IL5RA: variants seen among roughly 807,000 people sequenced by gnomAD.
IL5RA encodes the protein interleukin-5 receptor subunit alpha.
In IL5RA, 49 loss-of-function variants were observed where a neutral mutation model predicts 50.0. That is an observed-to-expected ratio of 0.98 (90% confidence interval 0.78 to 1.24). The LOEUF is 1.24. Ranked by LOEUF, IL5RA falls within the 50% of genes most tolerant of loss-of-function variation. The pLI is 0.00. For synonymous variants in IL5RA, 202 were observed against 174.0 expected, an observed-to-expected ratio of 1.16 and a Z score of -1.26; for missense variants, 600 against 500.4, an observed-to-expected ratio of 1.20 and a Z score of -1.90.
chr3:3,083,356 T>C (rs2125961690), intron 9 of IL5RA, among the ~76,000 whole-genome samples: 1 of 152,358 alleles, frequency 6.6e-6, no homozygotes, highest in Middle Eastern at 3.4e-3. Context: ...CAGCTTGCAC[T>C]ATGTTCATCT....
chr3:3,077,078 G>C, intron 9 of IL5RA, among the ~76,000 whole-genome samples: 1 of 152,184 alleles, frequency 6.6e-6, no homozygotes, highest in Non-Finnish European at 1.5e-5. Context: ...AGGAAGTAAA[G>C]TATGAGATAA....
chr3:3,073,685 CTA>C, intron 11 of IL5RA: 1 of 373,432 alleles, frequency 2.7e-6, no homozygotes, highest in African/African-American at 2.2e-5. Flanking sequence ...GAGTGATATG[CTA>C]TGTTTATAGA....
chr3:3,079,425 C>T (rs1224227714), intron 9 of IL5RA, among the ~76,000 whole-genome samples: 1 of 152,200 alleles, frequency 6.6e-6, no homozygotes, highest in Non-Finnish European at 1.5e-5. Flanking sequence ...TGACTCTTTC[C>T]ATCCTTTACA....
chr3:3,100,894 C>T (rs968665084), intron 5 of IL5RA, among the ~76,000 whole-genome samples: 37 of 151,648 alleles, frequency 2.4e-4, no homozygotes, highest in African/African-American at 9.0e-4. Context: ...TGTCTGTAAC[C>T]CCAGCACTTT....
In IL5RA at chr3:3,066,739, C is replaced by A. The variant is rs1574967952; in HGVS notation, c.*3486G>T. 6.6e-6 allele frequency: 1 copy of A among 152,228 alleles called. No homozygotes were observed. Among genetic ancestry groups the A allele is most frequent in the South Asian group, 2.1e-4 (1 of 4,832 alleles). 9.4% of individuals were successfully genotyped at this position (152,228 alleles called of 1,614,324 possible). A position where few individuals can be genotyped will look rare whatever the true frequency, so the allele number is the denominator to read the frequency against. On this transcript the variant is annotated 3_prime_UTR_variant, in exon 12 of 12. Transcript: ENST00000446632. ...AGGATGTTCTTTGCCCACGTGGATT[C>A]TTCCCCAGCCTGCATGAATAGCTTG...
chr3:3,095,520 C>CA, intron 7 of IL5RA, 76 bp from the exon 8 acceptor site: 1 of 1,195,960 alleles, frequency 8.4e-7, no homozygotes, highest in Non-Finnish European at 1.2e-6. Flanking sequence ...AATCCACCCA[C>CA]ACTTCTCAAG....
In IL5RA at chr3:3,095,415, C is replaced by T; in HGVS notation, c.739G>A (p.Ala247Thr). 2 of 1,612,060 alleles carry T rather than the reference C, an allele frequency of 1.2e-6. No homozygotes were observed. The highest frequency in any genetic ancestry group is 2.2e-5 in the East Asian group (1 of 44,856). The change falls in exon 8 of 12, where the codon GCA becomes ACA. Residue 247 changes from alanine (A) to threonine (T), a missense_variant. Transcript: ENST00000446632. The stretch of plus-strand genomic sequence containing the variant: ...GAGAGACGAGTTCCTTCAATCTCTG[C>T]TGTGACATTCAGTGGAGGATTTATT... Reference protein sequence around the residue: ...DQINPPLNVTAEIEGTRLSIQ... With the variant: ...DQINPPLNVTTEIEGTRLSIQ...
intron 11 of IL5RA, among the ~76,000 whole-genome samples, chr3:3,072,629 C>T (rs987905963): frequency 7.9e-5 from 12 of 152,154 alleles, no homozygotes; most frequent in Admixed American, 3.3e-4. Flanking sequence ...GCTGCTTAAA[C>T]TAGATGTGGG....
chr3:3,101,758 T>C lies in IL5RA; in HGVS notation c.301A>G (p.Ile101Val). The C allele has an allele frequency of 6.2e-7, 1 of 1,614,158 alleles. No homozygotes were observed. The highest frequency in any genetic ancestry group is 1.7e-4 in the Middle Eastern group (1 of 6,060). ...HKGFSASVRTILQNDHSLLAS... is the reference protein window; with the variant it reads ...HKGFSASVRTVLQNDHSLLAS... ...AGTAGTGAGTGGTCGTTCTGCAGGA[T>C]GGTCCGCACACTTGCTGAAAAGCCT... is the stretch of plus-strand genomic sequence containing the variant. The change falls in exon 5 of 12, where the codon ATC becomes GTC. Residue 101 changes from isoleucine to valine, a missense_variant. Ile to Val is a conservative substitution (Grantham distance 29). Coordinates refer to ENST00000446632, the MANE Select transcript of IL5RA (RefSeq NM_175726.4).
At chr3:3,080,179 G>A (rs765189144) in intron 9 of IL5RA, among the ~76,000 whole-genome samples, 5 of 152,154 alleles carry the variant, frequency 3.3e-5, no homozygotes, top group Admixed American at 6.5e-5. Flanking sequence ...TTTTGCATTC[G>A]CTTTTTCTGA....
At chr3:3,100,113 G>C (rs573000451) in intron 5 of IL5RA, among the ~76,000 whole-genome samples, 1 of 152,208 alleles carries the variant, frequency 6.6e-6, no homozygotes, top group Non-Finnish European at 1.5e-5. Flanking sequence ...CACTGGCCTT[G>C]TTGGTGGTTG....
In IL5RA at chr3:3,092,545, C is replaced by G. The variant is rs1054675870; in HGVS notation, c.856-183G>C. ...TTAGTGTGGATGTGTTGGCAGTCAC[C>G]CTTCAGTGGAACGCTATCTTGTAAC... On this transcript the variant is annotated intron_variant, in intron 8 of 11. Transcript: ENST00000446632. The surrounding 1 kb of genome is among the most constrained non-coding windows in gnomAD (Gnocchi z 4.2). 4.6e-5 allele frequency among the ~76,000 whole-genome samples: 7 copies of G among 152,118 alleles called. No homozygotes were observed. The highest frequency in any genetic ancestry group is 8.8e-5 in the Non-Finnish European group (6 of 68,020).
At chr3:3,084,592 G>A (rs757551416) in intron 9 of IL5RA, among the ~76,000 whole-genome samples, 8 of 152,220 alleles carry the variant, frequency 5.3e-5, no homozygotes, top group African/African-American at 1.9e-4. Flanking sequence ...AGAGCTTCCT[G>A]CTTGCACAGC....
At position 3,098,072 on chromosome 3, in the gene IL5RA, T is replaced by G. The variant is rs538990883; in HGVS notation, c.522-15A>C. 2.5e-6 allele frequency: 4 copies of G among 1,613,968 alleles called. No individual in the cohort carries two copies. Among genetic ancestry groups the G allele is most frequent in the Non-Finnish European group, 3.4e-6 (4 of 1,179,976 alleles). ...AAGAGCCATACCTAAATTGGAACAT[T>G]TACGAGTGTTATGAGGTTGCAGGAA... is the stretch of plus-strand genomic sequence containing the variant. On this transcript the variant is annotated splice_polypyrimidine_tract_variant and intron_variant, in intron 6 of 11. Transcript: ENST00000446632.
intron 5 of IL5RA, among the ~76,000 whole-genome samples, chr3:3,101,061 C>G (rs532464557): frequency 6.6e-6 from 1 of 151,160 alleles, no homozygotes. Flanking sequence ...TGCCTATAAT[C>G]CCAGCTACTC....
At chr3:3,094,877 G>A (rs774864065) in intron 8 of IL5RA, among the ~76,000 whole-genome samples, 53 of 151,988 alleles carry the variant, frequency 3.5e-4, no homozygotes, top group African/African-American at 8.7e-4. Context: ...ATAGTCACGC[G>A]CCATCACGTT....
chr3:3,071,911 T>G (rs1702313161), intron 11 of IL5RA, among the ~76,000 whole-genome samples: 1 of 152,170 alleles, frequency 6.6e-6, no homozygotes, highest in Non-Finnish European at 1.5e-5. Flanking sequence ...TCCAAATTTC[T>G]AACTGAGGTC....
At chr3:3,101,390 G>C (rs1210866139) in intron 5 of IL5RA, among the ~76,000 whole-genome samples, 1 of 152,122 alleles carries the variant, frequency 6.6e-6, no homozygotes, top group East Asian at 1.9e-4. Flanking sequence ...TCTCTCCCCT[G>C]TTGTGTGTGC....
At chr3:3,088,979 G>A (rs17882298) in intron 9 of IL5RA, among the ~76,000 whole-genome samples, 36 of 152,234 alleles carry the variant, frequency 2.4e-4, no homozygotes, top group Admixed American at 1.4e-3. Flanking sequence ...TCTCGTATTT[G>A]TTTCCCTCCT....
Sources: allele counts gnomAD v4.1 joint callset (sites outside exome capture counted in the v4.1 genomes callset), GRCh38; gene constraint gnomAD v4.1.1; non-coding constraint Gnocchi (gnomAD v3.1); transcripts MANE v1.5; gene names NCBI Gene and HGNC (gene_info 2026-07-23, HGNC 2026-07-21).